TBL1X: variants seen among roughly 807,000 people sequenced by gnomAD.
The protein encoded by TBL1X is transducin beta like 1 X-linked.
Under a neutral mutation model 50.7 loss-of-function variants are expected in TBL1X, and 10 were observed. The ratio of observed to expected loss-of-function variants is 0.20; its 90% confidence interval spans 0.12 to 0.33. The LOEUF is 0.33. Ranked by LOEUF, TBL1X falls within the 10% of genes least tolerant of loss-of-function variation. The pLI, the probability that TBL1X is intolerant of heterozygous loss-of-function variation, is 1.00. For synonymous variants in TBL1X, 190 were observed against 214.7 expected, an observed-to-expected ratio of 0.88 and a Z score of 1.01; for missense variants, 340 against 504.4, an observed-to-expected ratio of 0.67 and a Z score of 3.12.
chrX:9,605,768 T>C (rs951101999), intron 2 of TBL1X, among the ~76,000 whole-genome samples: 1 of 112,619 alleles, frequency 8.9e-6, no homozygotes, highest in African/African-American at 3.2e-5. Context: ...CCAGTCTGTG[T>C]GCTAGGGCTT....
At chrX:9,534,077 C>A (rs746082245) in intron 2 of TBL1X, among the ~76,000 whole-genome samples, 2 of 111,332 alleles carry the variant, frequency 1.8e-5, no homozygotes, top group African/African-American at 6.5e-5. Flanking sequence ...GCCTGCAGGT[C>A]GGGTCGGTGT....
At position 9,668,204 on chromosome X, in the gene TBL1X, T is replaced by A. The variant is rs920152213; in HGVS notation, c.211+13882T>A. The stretch of plus-strand genomic sequence containing the variant: ...GTGTCACAGAGACGACCAGAATTCC[T>A]TGTTGATTGCATCTTTATGGCTGTC... On this transcript the variant is annotated intron_variant, in intron 5 of 17. Transcript: ENST00000645353. Among the ~76,000 whole-genome samples, 4 of 111,451 alleles carry A rather than the reference T, an allele frequency of 3.6e-5. No homozygotes were observed. The Admixed American group carries it at 3.8e-4, about 11-fold the overall frequency.
chrX:9,529,681 G>C (rs2082150227), intron 2 of TBL1X, among the ~76,000 whole-genome samples: 1 of 109,356 alleles, frequency 9.1e-6, no homozygotes, highest in African/African-American at 3.3e-5. Context: ...AGTGACTCAT[G>C]CCTGTAACCC....
intron 3 of TBL1X, among the ~76,000 whole-genome samples, chrX:9,647,323 T>C (rs760107000): frequency 3.6e-5 from 4 of 112,434 alleles, no homozygotes; most frequent in African/African-American, 9.7e-5. Flanking sequence ...CATCAGCCCA[T>C]GCTCGTTTGT....
At chrX:9,662,804 C>T (rs1011210355) in intron 5 of TBL1X, among the ~76,000 whole-genome samples, 11 of 111,288 alleles carry the variant, frequency 9.9e-5, no homozygotes, top group African/African-American at 3.6e-4. Context: ...AAAAAATTTT[C>T]AAAAATTAGC....
At chrX:9,614,967 A>T (rs1856552821) in intron 2 of TBL1X, among the ~76,000 whole-genome samples, 1 of 111,472 alleles carries the variant, frequency 9.0e-6, no homozygotes, top group South Asian at 3.8e-4. Context: ...TTGACCTGGG[A>T]TTGCTAGGGT....
chrX:9,492,138 G>A (rs1460380764), intron 1 of TBL1X, among the ~76,000 whole-genome samples: 1 of 112,088 alleles, frequency 8.9e-6, no homozygotes, highest in African/African-American at 3.2e-5. Context: ...TTCTCCTTGT[G>A]TACATGGAGT....
chrX:9,526,034 A>G (rs1168020178), intron 2 of TBL1X, among the ~76,000 whole-genome samples: 1 of 109,379 alleles, frequency 9.1e-6, no homozygotes, highest in African/African-American at 3.3e-5. Flanking sequence ...AAATAAGACT[A>G]ATGCGTGCAG....
At position 9,709,318 on chromosome X, in the gene TBL1X, T is replaced by C; in HGVS notation, c.1307T>C (p.Leu436Ser). 1 of 1,211,664 alleles carries C rather than the reference T, an allele frequency of 8.3e-7. No homozygotes were observed. Among genetic ancestry groups the C allele is most frequent in the South Asian group, 1.8e-5 (1 of 56,914 alleles). ...GCATCCTGCTCGGATGACATGACAT[T>C]GAAGGTAGAGTCGGCATGGCAAGGG... is the stretch of plus-strand genomic sequence containing the variant. ...LLASCSDDMT[L>S]KIWSMKQEVC... Residue 436 changes from leucine to serine, a missense_variant, in exon 14 of 18, where the codon TTG becomes TCG. Transcript: ENST00000645353.
Position 9,699,380 on chromosome X carries a change from T to C in TBL1X, c.1114+1951T>C, listed in dbSNP as rs182697194. Among the ~76,000 whole-genome samples the C allele has an allele frequency of 4.0e-3, 444 of 112,040 alleles. 2 individuals carry two copies. Among genetic ancestry groups the C allele is most frequent in the African/African-American group, 0.014 (428 of 30,889 alleles). On this transcript the variant is annotated intron_variant, in intron 12 of 17. Transcript: ENST00000645353. ...TGGAAGTCTTTAGACTGGCTTAAAGTGGACAGAAGTGGGTAGGTGCCACTT... is the reference window on the plus strand; with the variant it reads ...TGGAAGTCTTTAGACTGGCTTAAAGCGGACAGAAGTGGGTAGGTGCCACTT...
intron 2 of TBL1X, among the ~76,000 whole-genome samples, chrX:9,503,901 T>C (rs1391233607): frequency 1.8e-5 from 2 of 111,845 alleles, no homozygotes; most frequent in African/African-American, 6.5e-5. Context: ...TGAGTGGGTT[T>C]CCCCCAAGCA....
chrX:9,659,808 G>A lies in TBL1X; in HGVS notation c.211+5486G>A, dbSNP rs2082886904. Among the ~76,000 whole-genome samples the A allele has an allele frequency of 2.7e-5, 3 of 112,112 alleles. No individual in the cohort carries two copies. The Admixed American group carries it at 2.8e-4, about 11-fold the overall frequency. ...CAAGGCATACTGGAAAGTATGTAAA[G>A]GGACGTTAGCTCTGGCGTATATATC... On this transcript the variant is annotated intron_variant, in intron 5 of 17. Transcript: ENST00000645353.
intron 2 of TBL1X, among the ~76,000 whole-genome samples, chrX:9,524,255 A>G (rs1403608120): frequency 8.9e-6 from 1 of 112,233 alleles, no homozygotes; most frequent in Non-Finnish European, 1.9e-5. Context: ...GGCGTGAGCC[A>G]GTGTGCCCGG....
At chrX:9,543,518 C>T (rs756116258) in intron 2 of TBL1X, among the ~76,000 whole-genome samples, 1 of 109,684 alleles carries the variant, frequency 9.1e-6, no homozygotes, top group East Asian at 2.9e-4. Flanking sequence ...TGGGGCATCC[C>T]AGCCCACCCA....
intron 2 of TBL1X, among the ~76,000 whole-genome samples, chrX:9,603,321 A>G (rs1411173163): frequency 6.2e-5 from 7 of 112,282 alleles, no homozygotes; most frequent in African/African-American, 2.3e-4. Context: ...TTTTAGAATA[A>G]TTAGCTAGTG....
At chrX:9,595,393 C>T (rs2082522077) in intron 2 of TBL1X, among the ~76,000 whole-genome samples, 1 of 112,317 alleles carries the variant, frequency 8.9e-6, no homozygotes, top group Non-Finnish European at 1.9e-5. Context: ...CACTGGGTGC[C>T]GGCCTGGTGG....
intron 2 of TBL1X, among the ~76,000 whole-genome samples, chrX:9,585,584 G>GT (rs1430911702): frequency 9.0e-6 from 1 of 110,950 alleles, no homozygotes; most frequent in Non-Finnish European, 1.9e-5. Flanking sequence ...CTGTAACAGA[G>GT]TGCCACAGAC....
chrX:9,695,189 C>G (rs2083124313), intron 11 of TBL1X, among the ~76,000 whole-genome samples: 1 of 110,466 alleles, frequency 9.1e-6, no homozygotes, highest in South Asian at 3.7e-4. Context: ...TTTCATGCTA[C>G]AATGGCAGAG....
chrX:9,703,689 C>T (rs978531463), intron 12 of TBL1X, among the ~76,000 whole-genome samples: 4 of 112,163 alleles, frequency 3.6e-5, no homozygotes, highest in Admixed American at 1.9e-4. Flanking sequence ...ACACCTCCAG[C>T]GCACTCCCTG....
Sources: allele counts gnomAD v4.1 joint callset (sites outside exome capture counted in the v4.1 genomes callset), GRCh38; gene constraint gnomAD v4.1.1; transcripts MANE v1.5; gene names NCBI Gene and HGNC (gene_info 2026-07-23, HGNC 2026-07-21).